The following SYT1 variants were observed in gnomAD, a reference collection of about 807,000 sequenced individuals.
The protein encoded by SYT1 is synaptotagmin 1, also known as synaptotagmin-1.
Under a neutral mutation model 44.8 loss-of-function variants are expected in SYT1, and 8 were observed. The observed-to-expected ratio is 0.18, with a 90% CI of 0.10 to 0.32. The LOEUF (loss-of-function observed/expected upper bound fraction) is 0.32. Ranked by LOEUF, SYT1 falls within the 10% of genes least tolerant of loss-of-function variation. SYT1 has a pLI of 1.00. For missense variants in SYT1, 286 were observed against 509.3 expected, an observed-to-expected ratio of 0.56 and a Z score of 4.22; for synonymous variants, 154 against 188.8, an observed-to-expected ratio of 0.82 and a Z score of 1.51.
At chr12:79,119,232 T>A (rs1325196998) in intron 3 of SYT1, among the ~76,000 whole-genome samples, 1 of 152,202 alleles carries the variant, frequency 6.6e-6, no homozygotes, top group African/African-American at 2.4e-5. Flanking sequence ...AGTTTTAGCC[T>A]CCTGAACTTT....
At chr12:78,865,575 GGGA>G (rs1250999707) in intron 1 of SYT1, among the ~76,000 whole-genome samples, 5 of 148,704 alleles carry the variant, frequency 3.4e-5, no homozygotes, top group South Asian at 2.2e-4. Flanking sequence ...GGGGGGGGGG[GGGA>G]ACGTAAACAA....
chr12:79,068,742 G>A (rs118106170), intron 3 of SYT1, among the ~76,000 whole-genome samples: 2,235 of 151,794 alleles, frequency 0.015, 27 homozygotes, highest in Middle Eastern at 0.075. Flanking sequence ...TGCCGGGCAT[G>A]GTAGCTCATG....
chr12:78,984,504 G>A (rs1869505226), intron 2 of SYT1, among the ~76,000 whole-genome samples: 1 of 151,384 alleles, frequency 6.6e-6, no homozygotes, highest in African/African-American at 2.4e-5. Flanking sequence ...ATTATGATGA[G>A]GATTTAATAT....
chr12:78,934,857 G>C (rs913837965), intron 1 of SYT1, among the ~76,000 whole-genome samples: 6 of 152,154 alleles, frequency 3.9e-5, no homozygotes, highest in Admixed American at 3.9e-4. Flanking sequence ...CACATTCTCT[G>C]CGGGTAGATG....
At chr12:79,215,615 G>A (rs1459372082) in intron 3 of SYT1, among the ~76,000 whole-genome samples, 1 of 152,194 alleles carries the variant, frequency 6.6e-6, no homozygotes, top group African/African-American at 2.4e-5. Flanking sequence ...AGGATCATGC[G>A]AGCCCAGGAG....
intron 8 of SYT1, among the ~76,000 whole-genome samples, chr12:79,319,194 G>A (rs188333667): frequency 1.3e-5 from 2 of 152,192 alleles, no homozygotes; most frequent in African/African-American, 4.8e-5. Flanking sequence ...TTTCTTTTTG[G>A]TAAACAGTGC....
At chr12:79,208,913 C>G (rs1248735985) in intron 3 of SYT1, among the ~76,000 whole-genome samples, 6 of 152,120 alleles carry the variant, frequency 3.9e-5, no homozygotes, top group Non-Finnish European at 7.4e-5. Context: ...AAAAATCTCC[C>G]TACACCTCTG....
intron 8 of SYT1, among the ~76,000 whole-genome samples, chr12:79,349,033 A>AAGAAAGAAAGAAAGAAAG (rs1367804411): frequency 1.7e-5 from 2 of 120,212 alleles, no homozygotes; most frequent in African/African-American, 6.5e-5. Flanking sequence ...GAAAGAAAGA[A>AAGAAAGAAAGAAAGAAAG]AAAGAAAGAA....
chr12:79,166,230 T>G (rs538439931), intron 3 of SYT1, among the ~76,000 whole-genome samples: 1 of 151,982 alleles, frequency 6.6e-6, no homozygotes, highest in South Asian at 2.1e-4. Flanking sequence ...ATTTAGAATT[T>G]TGAAACACAT....
chr12:79,165,637 CA>C (rs1871182645), intron 3 of SYT1, among the ~76,000 whole-genome samples: 1 of 151,982 alleles, frequency 6.6e-6, no homozygotes, highest in Non-Finnish European at 1.5e-5. Context: ...GAGCTTTTAT[CA>C]TCAAGCACTT....
intron 4 of SYT1, among the ~76,000 whole-genome samples, chr12:79,274,971 C>A (rs1179905896): frequency 6.6e-6 from 1 of 152,150 alleles, no homozygotes; most frequent in African/African-American, 2.4e-5. Context: ...GAGGACAGAT[C>A]AGCCTTGTCC....
At chr12:79,009,481 A>C (rs578149241) in intron 2 of SYT1, among the ~76,000 whole-genome samples, 2 of 152,248 alleles carry the variant, frequency 1.3e-5, no homozygotes, top group South Asian at 4.1e-4. Context: ...CATAGCTATT[A>C]ATATTAAATT....
intron 2 of SYT1, among the ~76,000 whole-genome samples, chr12:78,994,528 C>T (rs1461938859): frequency 1.7e-4 from 14 of 84,510 alleles, no homozygotes; most frequent in East Asian, 3.1e-4. Flanking sequence ...ATCCTTTGTT[C>T]TGAGGATTTT....
chr12:79,349,447 T>C (rs1882792188), intron 8 of SYT1, among the ~76,000 whole-genome samples: 1 of 152,226 alleles, frequency 6.6e-6, no homozygotes, highest in South Asian at 2.1e-4. Context: ...TATTAGTTTC[T>C]ATCATTCCAG....
At chr12:79,297,626 A>C (rs967079436) in intron 7 of SYT1, among the ~76,000 whole-genome samples, 5 of 152,128 alleles carry the variant, frequency 3.3e-5, no homozygotes, top group Non-Finnish European at 7.4e-5. Context: ...ATACATTTTT[A>C]TCAAGTTTCA....
At chr12:79,191,931 GA>G (rs1873156360) in intron 3 of SYT1, among the ~76,000 whole-genome samples, 1 of 151,798 alleles carries the variant, frequency 6.6e-6, no homozygotes, top group Non-Finnish European at 1.5e-5. Context: ...GCTTCTACCT[GA>G]AAAAAATAAA....
intron 1 of SYT1, among the ~76,000 whole-genome samples, chr12:78,925,598 A>G (rs183916548): frequency 9.3e-4 from 142 of 152,092 alleles, no homozygotes; most frequent in African/African-American, 3.0e-3. Flanking sequence ...ACCATAAAAT[A>G]TTATACTCAA....
intron 3 of SYT1, among the ~76,000 whole-genome samples, chr12:79,130,161 T>C (rs1041585452): frequency 9.2e-5 from 14 of 152,158 alleles, no homozygotes; most frequent in African/African-American, 2.4e-4. Context: ...GGAAAGAATA[T>C]TTTTTCAGGA....
intron 9 of SYT1, among the ~76,000 whole-genome samples, chr12:79,359,058 C>G (rs1437750503): frequency 6.6e-6 from 1 of 152,178 alleles, no homozygotes; most frequent in Admixed American, 6.5e-5. Context: ...TTCCCTGAAG[C>G]TAGCACCTAA....
Sources: allele counts gnomAD v4.1 joint callset (sites outside exome capture counted in the v4.1 genomes callset), GRCh38; gene constraint gnomAD v4.1.1; transcripts MANE v1.5; gene names NCBI Gene and HGNC (gene_info 2026-07-23, HGNC 2026-07-21).